Variants in CDH12 observed in about 807,000 individuals in gnomAD.
CDH12 encodes cadherin 12, also known as cadherin-12.
CDH12 carries 41 observed loss-of-function variants against 74.1 expected under a neutral mutation model. The observed-to-expected ratio is 0.55, with a 90% confidence interval of 0.43 to 0.72. CDH12 has a LOEUF of 0.72. CDH12 is among the 30% of genes least tolerant of loss of function. CDH12 has a pLI of 0.00. For missense variants in CDH12, 945 were observed against 977.2 expected, an observed-to-expected ratio of 0.97 and a Z score of 0.44; for synonymous variants, 399 against 355.0, an observed-to-expected ratio of 1.12 and a Z score of -1.39.
chr5:22,063,300 A>C lies in CDH12; in HGVS notation c.231+15146T>G, dbSNP rs145895910. The stretch of plus-strand genomic sequence containing the variant: ...TGTATTTATAAAAGCATATGTTCTT[A>C]TTGGTAGGTCTTTCTGGACATTAGT... On this transcript the variant is annotated intron_variant, in intron 5 of 14. Transcript: ENST00000382254. Among the ~76,000 whole-genome samples, 238 of 152,150 alleles carry C rather than the reference A, an allele frequency of 1.6e-3. 3 individuals are homozygous for C. The highest frequency in any genetic ancestry group is 0.011 in the Admixed American group (163 of 15,266).
chr5:21,871,496 G>A (rs1751616424), intron 6 of CDH12, among the ~76,000 whole-genome samples: 1 of 152,144 alleles, frequency 6.6e-6, no homozygotes, highest in African/African-American at 2.4e-5. Flanking sequence ...CACTTTGGAG[G>A]CCGAGGCGGG....
At chr5:22,363,355 C>G (rs1359816218) in intron 3 of CDH12, among the ~76,000 whole-genome samples, 6 of 152,058 alleles carry the variant, frequency 3.9e-5, no homozygotes, top group African/African-American at 1.4e-4. Context: ...ACATTTTGAT[C>G]TTTTAATGGC....
At chr5:22,706,130 C>T (rs1042753626) in intron 1 of CDH12, among the ~76,000 whole-genome samples, 1 of 152,056 alleles carries the variant, frequency 6.6e-6, no homozygotes, top group Non-Finnish European at 1.5e-5. Flanking sequence ...GTAGTTGGCT[C>T]TCATCACTTA....
At chr5:22,341,871 C>T (rs980423006) in intron 3 of CDH12, among the ~76,000 whole-genome samples, 5 of 151,924 alleles carry the variant, frequency 3.3e-5, no homozygotes, top group African/African-American at 1.2e-4. Flanking sequence ...GACAGAGGTA[C>T]TCTTGATGAA....
intron 12 of CDH12, among the ~76,000 whole-genome samples, chr5:21,763,636 C>T (rs1744847134): frequency 1.3e-5 from 2 of 152,112 alleles, no homozygotes; most frequent in Non-Finnish European, 2.9e-5. Context: ...TGCAGATCCA[C>T]AATATTAGAT....
intron 4 of CDH12, among the ~76,000 whole-genome samples, chr5:22,109,126 T>C (rs1484285969): frequency 6.6e-6 from 1 of 152,170 alleles, no homozygotes; most frequent in East Asian, 1.9e-4. Flanking sequence ...TTTATGATAT[T>C]TGGAATTTGG....
chr5:22,415,690 G>T (rs149824322), intron 2 of CDH12, among the ~76,000 whole-genome samples: 2 of 152,258 alleles, frequency 1.3e-5, no homozygotes, highest in East Asian at 3.9e-4. Flanking sequence ...TTGAGTCTGA[G>T]AGCAATCAAA....
At chr5:21,823,019 A>G (rs541756786) in intron 8 of CDH12, among the ~76,000 whole-genome samples, 1 of 152,218 alleles carries the variant, frequency 6.6e-6, no homozygotes, top group Non-Finnish European at 1.5e-5. Flanking sequence ...ATTTTCCGGT[A>G]TCTCAGATTA....
intron 3 of CDH12, among the ~76,000 whole-genome samples, chr5:22,363,855 A>G (rs1740922976): frequency 6.6e-6 from 1 of 152,226 alleles, no homozygotes; most frequent in African/African-American, 2.4e-5. Context: ...CTGTTCTTAG[A>G]TAACCAGACA....
chr5:22,700,702 A>G (rs546375693), intron 1 of CDH12, among the ~76,000 whole-genome samples: 10 of 152,338 alleles, frequency 6.6e-5, no homozygotes, highest in African/African-American at 2.4e-4. Context: ...GAGAGTCAAT[A>G]CTGGTGGTAA....
At chr5:21,934,632 C>A (rs181864396) in intron 6 of CDH12, among the ~76,000 whole-genome samples, 81 of 152,168 alleles carry the variant, frequency 5.3e-4, no homozygotes, top group Non-Finnish European at 9.7e-4. Context: ...TATGTATGTG[C>A]GTGTATGCAT....
At chr5:22,533,261 C>A (rs1012004372) in intron 1 of CDH12, among the ~76,000 whole-genome samples, 3 of 152,036 alleles carry the variant, frequency 2.0e-5, no homozygotes, top group Admixed American at 1.3e-4. Flanking sequence ...ACAAGAGAGC[C>A]CCTGCCTAAT....
At chr5:22,651,200 T>C (rs1739718238) in intron 1 of CDH12, among the ~76,000 whole-genome samples, 1 of 152,082 alleles carries the variant, frequency 6.6e-6, no homozygotes, top group Non-Finnish European at 1.5e-5. Flanking sequence ...AGCTACTTTA[T>C]AAATGCAAAC....
intron 3 of CDH12, among the ~76,000 whole-genome samples, chr5:22,337,650 C>A (rs909111815): frequency 6.6e-6 from 1 of 152,162 alleles, no homozygotes; most frequent in Non-Finnish European, 1.5e-5. Context: ...TGAGGCCTCC[C>A]CAGCCACATG....
chr5:21,772,602 T>G (rs1745381392), intron 11 of CDH12, among the ~76,000 whole-genome samples: 1 of 152,186 alleles, frequency 6.6e-6, no homozygotes, highest in South Asian at 2.1e-4. Context: ...CTAAGAAGTT[T>G]ATACTAAGAA....
chr5:22,715,948 C>G (rs1004546192), intron 1 of CDH12, among the ~76,000 whole-genome samples: 2 of 151,906 alleles, frequency 1.3e-5, no homozygotes, highest in Non-Finnish European at 2.9e-5. Context: ...ATGAGCCTGG[C>G]CCACATGGTG....
At position 22,370,150 on chromosome 5, in the gene CDH12, T is replaced by C. The variant is rs149012825; in HGVS notation, c.-333+35107A>G. Among the ~76,000 whole-genome samples, 16 of 152,278 alleles carry C rather than the reference T, an allele frequency of 1.1e-4. No individual in the cohort carries two copies. The East Asian group carries it at 2.7e-3, about 26-fold the overall frequency. ...GCAACATTAAGAGCTGAATAAAGTG[T>C]GCTTATATATTGCACATATTCAAGA... is the stretch of plus-strand genomic sequence containing the variant. On this transcript the variant is annotated intron_variant, in intron 3 of 14. Coordinates refer to ENST00000382254, the MANE Select transcript of CDH12 (RefSeq NM_004061.5).
intron 3 of CDH12, among the ~76,000 whole-genome samples, chr5:22,226,439 G>C (rs996089223): frequency 5.5e-4 from 83 of 151,768 alleles, no homozygotes; most frequent in Admixed American, 6.6e-4. Flanking sequence ...TATGGATGGT[G>C]GGGGGAAGAA....
At chr5:21,900,247 C>T (rs1235819147) in intron 6 of CDH12, among the ~76,000 whole-genome samples, 1 of 152,016 alleles carries the variant, frequency 6.6e-6, no homozygotes, top group Non-Finnish European at 1.5e-5. Context: ...GCCTCAATTC[C>T]TGTGGAAGGC....
Sources: gnomAD v4.1 joint callset for allele counts (sites outside exome capture counted in the v4.1 genomes callset) on GRCh38, gnomAD v4.1.1 for gene constraint, MANE v1.5 for transcripts, NCBI Gene and HGNC (gene_info 2026-07-23, HGNC 2026-07-21) for gene names.